Variants in OTOGL observed in about 807,000 individuals in gnomAD.
OTOGL encodes otogelin like, also known as otogelin-like protein.
Under a neutral mutation model 318.5 loss-of-function variants are expected in OTOGL, and 285 were observed. The ratio of observed to expected loss-of-function variants is 0.89; its 90% CI spans 0.81 to 0.99. The LOEUF (loss-of-function observed/expected upper bound fraction) is 0.99. Ranked by LOEUF, OTOGL falls within the 50% of genes least tolerant of loss-of-function variation. The probability of loss-of-function intolerance (pLI) is 0.00; values close to 1 mark genes in which losing one functional copy is unlikely to be tolerated. For synonymous variants in OTOGL, 987 were observed against 936.5 expected (o/e 1.05, Z -0.99); for missense variants, 2,899 against 2,845.6 (o/e 1.02, Z -0.43).
chr12:80,355,224 C>CTTTCTT (rs1889799791), intron 46 of OTOGL, among the ~76,000 whole-genome samples: 8 of 65,630 alleles, frequency 1.2e-4, no homozygotes, highest in South Asian at 5.6e-4. Flanking sequence ...TTCTTTCTTT[C>CTTTCTT]TTTTCTTTTT....
intron 1 of OTOGL, among the ~76,000 whole-genome samples, chr12:80,110,499 G>T (rs935549244): frequency 7.9e-5 from 12 of 151,634 alleles, no homozygotes; most frequent in African/African-American, 2.9e-4. Context: ...GAGAACATGC[G>T]GTTTTTGGTT....
chr12:80,106,508 GTTC>G (rs962904320), intron 1 of OTOGL, among the ~76,000 whole-genome samples: 26 of 151,614 alleles, frequency 1.7e-4, no homozygotes, highest in Admixed American at 1.5e-3. Flanking sequence ...TTCCTTTTCT[GTTC>G]TTCTCCATAT....
intron 28 of OTOGL, among the ~76,000 whole-genome samples, chr12:80,304,257 A>G (rs1176654578): frequency 6.6e-6 from 1 of 152,150 alleles, no homozygotes; most frequent in African/African-American, 2.4e-5. Flanking sequence ...ATTTTTGGCA[A>G]TTATAAATTA....
intron 11 of OTOGL, among the ~76,000 whole-genome samples, chr12:80,249,476 C>G (rs1330806525): frequency 6.6e-6 from 1 of 151,352 alleles, no homozygotes; most frequent in Non-Finnish European, 1.5e-5. Flanking sequence ...TTAGGCTGCT[C>G]GGGGGTCAGG....
At chr12:80,221,621 C>A (rs1592565623) in intron 6 of OTOGL, among the ~76,000 whole-genome samples, 2 of 151,860 alleles carry the variant, frequency 1.3e-5, no homozygotes, top group South Asian at 4.2e-4. Context: ...GTCCCAGACA[C>A]GTAAATATGA....
At chr12:80,116,442 C>T (rs1870171820) in intron 1 of OTOGL, among the ~76,000 whole-genome samples, 1 of 152,196 alleles carries the variant, frequency 6.6e-6, no homozygotes, top group Non-Finnish European at 1.5e-5. Context: ...CAGAAATCAC[C>T]TGCCTTCTAC....
intron 43 of OTOGL, among the ~76,000 whole-genome samples, chr12:80,340,345 T>C (rs938118850): frequency 2.6e-5 from 4 of 152,166 alleles, no homozygotes; most frequent in African/African-American, 4.8e-5. Flanking sequence ...ATGCTAAACA[T>C]AGCATAAATT....
intron 26 of OTOGL, among the ~76,000 whole-genome samples, chr12:80,290,173 G>A (rs548318447): frequency 1.3e-5 from 2 of 152,122 alleles, no homozygotes; most frequent in Non-Finnish European, 2.9e-5. Context: ...CACTTCGTGG[G>A]TGAGGTGACA....
At chr12:80,150,470 A>C (rs1329881016) in intron 1 of OTOGL, among the ~76,000 whole-genome samples, 2 of 152,226 alleles carry the variant, frequency 1.3e-5, no homozygotes, top group African/African-American at 4.8e-5. Flanking sequence ...TTAAGGACTC[A>C]TCCATCGCAT....
rs578214266 is a variant in OTOGL, at chr12:80,117,506, C to T, written c.-20+17901C>T. On this transcript the variant is annotated intron_variant, in intron 1 of 58. Transcript: ENST00000547103. ...ACTCATTTCTTTCCCATTACCATCA[C>T]GTTAACTCAGGCTTTGAGTACATTT... 3.4e-4 allele frequency among the ~76,000 whole-genome samples: 52 copies of T among 152,262 alleles called. No individual in the cohort carries two copies. The South Asian group carries it at 6.6e-3, about 19-fold the overall frequency.
At chr12:80,273,171 G>A (rs748099973) in intron 24 of OTOGL, among the ~76,000 whole-genome samples, 1 of 152,084 alleles carries the variant, frequency 6.6e-6, no homozygotes, top group Non-Finnish European at 1.5e-5. Context: ...TTCTCTGACT[G>A]TATTGAAATA....
intron 11 of OTOGL, among the ~76,000 whole-genome samples, chr12:80,242,637 T>C (rs1378870447): frequency 6.6e-6 from 1 of 152,140 alleles, no homozygotes; most frequent in East Asian, 1.9e-4. Context: ...TGGGTTATGA[T>C]AGTGTATTGA....
At chr12:80,218,795 C>CTTTTTTTTT (rs34204072) in intron 5 of OTOGL, among the ~76,000 whole-genome samples, 18 of 118,234 alleles carry the variant, frequency 1.5e-4, no homozygotes, top group East Asian at 2.3e-4. Context: ...CTTTTTCTTT[C>CTTTTTTTTT]TTTTTTTTTT....
At chr12:80,336,376 G>A (rs771952567) in intron 39 of OTOGL, 37 bp from the exon 40 acceptor site, 142 of 1,543,278 alleles carry the variant, frequency 9.2e-5, no homozygotes, top group Middle Eastern at 8.7e-4. Context: ...AATGCAGATA[G>A]TTAATAGACT....
At chr12:80,265,367 A>G (rs1882872885) in intron 20 of OTOGL, 157 bp downstream of exon 20, 1 of 812,166 alleles carries the variant, frequency 1.2e-6, no homozygotes. Context: ...AAATGAAATA[A>G]TATCTTAAGA....
intron 27 of OTOGL, among the ~76,000 whole-genome samples, chr12:80,300,816 T>C (rs1298969098): frequency 6.6e-6 from 1 of 152,076 alleles, no homozygotes; most frequent in Non-Finnish European, 1.5e-5. Context: ...GGACTTGAGA[T>C]GGGTAAAAGC....
rs1323411330 is a variant in OTOGL at position 80,380,871 on chromosome 12, C to T, written c.*2823C>T. ...AAACCAACAATAGTTGAATAAACTA[C>T]GTTAATCCACATGTGTAATACTATA... On this transcript the variant is annotated 3_prime_UTR_variant, in exon 59 of 59. Coordinates refer to ENST00000547103, the MANE Select transcript of OTOGL (RefSeq NM_001378609.3). The T allele has an allele frequency of 3.9e-5, 6 of 152,022 alleles. No homozygotes were observed. The highest frequency in any genetic ancestry group is 1.9e-4 in the East Asian group (1 of 5,198). 9.4% of individuals were successfully genotyped at this position (152,022 alleles called of 1,614,324 possible). A position where few individuals can be genotyped will look rare whatever the true frequency, so the allele number is the denominator to read the frequency against.
intron 1 of OTOGL, among the ~76,000 whole-genome samples, chr12:80,149,369 G>T (rs565186011): frequency 1.3e-5 from 2 of 152,154 alleles, no homozygotes; most frequent in African/African-American, 2.4e-5. Context: ...GCTGCTCGGG[G>T]GTCGGGGGCC....
chr12:80,332,185 A>G (rs1042977815), intron 37 of OTOGL, among the ~76,000 whole-genome samples: 9 of 152,198 alleles, frequency 5.9e-5, no homozygotes, highest in Non-Finnish European at 8.8e-5. Flanking sequence ...TATTTATTGT[A>G]TACATGTTGT....
Sources: allele counts gnomAD v4.1 joint callset (sites outside exome capture counted in the v4.1 genomes callset), GRCh38; gene constraint gnomAD v4.1.1; transcripts MANE v1.5; gene names NCBI Gene and HGNC (gene_info 2026-07-23, HGNC 2026-07-21).